The following TCIRG1 variants were observed in gnomAD, a reference collection of about 807,000 sequenced individuals.
The protein encoded by TCIRG1 is V-type proton ATPase 116 kDa subunit a 3.
A neutral mutation model predicts 95.5 loss-of-function variants in TCIRG1; 86 were observed. That is an observed-to-expected ratio of 0.90 (90% CI 0.76 to 1.08). The LOEUF is 1.08. TCIRG1 is among the 50% of genes least tolerant of loss of function. The probability of loss-of-function intolerance (pLI) is 0.00; values close to 1 mark genes in which losing one functional copy is unlikely to be tolerated. For synonymous variants in TCIRG1, 499 were observed against 501.3 expected, an observed-to-expected ratio of 1.00 and a Z score of 0.06; for missense variants, 1,069 against 1,140.2, an observed-to-expected ratio of 0.94 and a Z score of 0.90.
intron 10 of TCIRG1, among the ~76,000 whole-genome samples, chr11:68,046,188 C>T (rs1250598372): frequency 1.3e-5 from 2 of 152,184 alleles, no homozygotes; most frequent in Admixed American, 1.3e-4. Context: ...TCCCACAGTC[C>T]TGGAGGCTGG....
chr11:68,049,947 C>T lies in TCIRG1; in HGVS notation c.2014-15C>T, dbSNP rs1382248049. The T allele has an allele frequency of 6.2e-7, 1 of 1,604,234 alleles. No homozygotes were observed. The highest frequency in any genetic ancestry group is 1.3e-5 in the African/African-American group (1 of 74,724). ...GGGGCTGGAGTGCTGCCAACACTGC[C>T]TGCTCATGCCCCAGGAGGAAAACAA... is the stretch of plus-strand genomic sequence containing the variant. On this transcript the variant is annotated splice_polypyrimidine_tract_variant and intron_variant, in intron 16 of 19. Coordinates refer to ENST00000265686, the MANE Select transcript of TCIRG1 (RefSeq NM_006019.4).
chr11:68,040,368 C>T (rs1300678259), intron 1 of TCIRG1, among the ~76,000 whole-genome samples: 1 of 152,248 alleles, frequency 6.6e-6, no homozygotes, highest in Non-Finnish European at 1.5e-5. Context: ...CTTGGGCCAT[C>T]TGCTCAGTGT....
chr11:68,042,241 G>A (rs1299954947), intron 3 of TCIRG1, among the ~76,000 whole-genome samples: 1 of 152,230 alleles, frequency 6.6e-6, no homozygotes, highest in Non-Finnish European at 1.5e-5. Flanking sequence ...CCCTGCCCTG[G>A]GCAACCCCTC....
downstream of TCIRG1, chr11:68,052,837 A>G (rs1354920812): frequency 6.6e-6 from 1 of 152,200 alleles, no homozygotes; most frequent in Non-Finnish European, 1.5e-5. Context: ...TTCAGGACAC[A>G]TCCAAGGGTG....
chr11:68,048,960 A>G lies in TCIRG1; in HGVS notation c.1636A>G (p.Met546Val), dbSNP rs368945298. The change falls in exon 14 of 20, where the codon ATG becomes GTG. Residue 546 changes from methionine (M) to valine (V), a missense_variant. Met to Val is a conservative substitution (Grantham distance 21, BLOSUM62 1). Transcript: ENST00000265686. Reference protein sequence around the residue: ...KMSVILGVVHMAFGVVLGVFN... With the variant: ...KMSVILGVVHVAFGVVLGVFN... ...GTCCGTCATCCTGGGCGTCGTGCAC[A>G]TGGCCTTTGGGGTGGTCCTCGGAGT... 10 of 1,613,642 alleles carry G rather than the reference A, an allele frequency of 6.2e-6. No homozygotes were observed. The African/African-American group carries it at 1.1e-4, about 17-fold the overall frequency.
chr11:68,041,337 C>G lies in TCIRG1; in HGVS notation c.66C>G (p.Ala22=), dbSNP rs746440466. The change falls in exon 2 of 20, where the codon GCC becomes GCG. Residue 22 remains alanine (A), a synonymous_variant. Coordinates refer to ENST00000265686, the MANE Select transcript of TCIRG1 (RefSeq NM_006019.4). ...AGCTCTTTCTGCCCACAGCGGCTGC[C>G]TACACCTGCGTGAGTCGGCTGGGCG... The part of the protein sequence containing the change: ...LVQLFLPTAA[A]YTCVSRLGEL... 1.9e-6 allele frequency: 3 copies of G among 1,613,278 alleles called. No individual in the cohort carries two copies. Among genetic ancestry groups the G allele is most frequent in the African/African-American group, 1.3e-5 (1 of 75,050 alleles).
At chr11:68,053,279 C>G (rs1383187069), downstream of TCIRG1, 1 of 152,332 alleles carries the variant, frequency 6.6e-6, no homozygotes, top group South Asian at 2.1e-4. Flanking sequence ...GCATGGCTGT[C>G]TGCACACTCC....
Position 68,048,939 on chromosome 11 carries a change from G to A in TCIRG1, c.1615G>A (p.Val539Ile), listed in dbSNP as rs142539969. The A allele has an allele frequency of 2.8e-4, 451 of 1,613,492 alleles. 1 individual carries two copies. The highest frequency in any genetic ancestry group is 4.2e-4 in the Admixed American group (25 of 60,008). The change falls in exon 14 of 20, where the codon GTC becomes ATC. Residue 539 changes from valine to isoleucine, a missense_variant. Transcript: ENST00000265686. ...CAACTCCTTCAAGATGAAGATGTCC[G>A]TCATCCTGGGCGTCGTGCACATGGC... ...FLNSFKMKMS[V>I]ILGVVHMAFG...
At position 68,044,938 on chromosome 11, in the gene TCIRG1, G is replaced by A. The variant is rs1214791319; in HGVS notation, c.1021-20G>A. 2 of 1,605,848 alleles carry A rather than the reference G, an allele frequency of 1.2e-6. No individual in the cohort carries two copies. Among genetic ancestry groups the A allele is most frequent in the East Asian group, 4.5e-5 (2 of 44,884 alleles). On this transcript the variant is annotated intron_variant, in intron 9 of 19. Transcript: ENST00000265686. ...AAGGCCCCCGCCACCGTTCTGGTCT[G>A]TCTCTGCCCTGGCACCCAGATGGAG... is the stretch of plus-strand genomic sequence containing the variant.
intron 10 of TCIRG1, chr11:68,046,906 G>A (rs1011149992): frequency 2.2e-5 from 10 of 456,170 alleles, no homozygotes; most frequent in Admixed American, 7.1e-5. Flanking sequence ...GAGAACTTAT[G>A]AAGTGGTCTG....
At position 68,047,951 on chromosome 11, in the gene TCIRG1, C is replaced by T; in HGVS notation, c.1533C>T (p.Pro511=). The stretch of plus-strand genomic sequence containing the variant: ...ACGTCACCGGTGTCTTCCTGGGACC[C>T]TACCCCTTTGGCATCGATCCTGTGA... ...DPNVTGVFLG[P]YPFGIDPIWS... Residue 511 remains proline (P), a synonymous_variant, in exon 13 of 20, where the codon CCC becomes CCT. Transcript: ENST00000265686. 6.2e-7 allele frequency: 1 copy of T among 1,613,822 alleles called. No homozygotes were observed. Among genetic ancestry groups the T allele is most frequent in the Non-Finnish European group, 8.5e-7 (1 of 1,180,010 alleles).
chr11:68,053,258 C>T (rs1053980855), downstream of TCIRG1: 6 of 152,292 alleles, frequency 3.9e-5, no homozygotes, highest in African/African-American at 1.2e-4. Flanking sequence ...TCACACTGCC[C>T]CCGTGGCCAC....
At position 68,045,006 on chromosome 11, in the gene TCIRG1, A is replaced by G. The variant is rs1855405220; in HGVS notation, c.1069A>G (p.Met357Val). The G allele has an allele frequency of 6.2e-7, 1 of 1,608,876 alleles. No individual in the cohort carries two copies. Among genetic ancestry groups the G allele is most frequent in the Non-Finnish European group, 8.5e-7 (1 of 1,179,986 alleles). The change falls in exon 10 of 20, where the codon ATG becomes GTG. Residue 357 changes from methionine (M) to valine (V), a missense_variant. Physicochemically the swap from Met to Val is conservative, Grantham distance 21. Coordinates refer to ENST00000265686, the MANE Select transcript of TCIRG1 (RefSeq NM_006019.4). The part of the protein sequence containing the change: ...AVAHRIPCRD[M>V]PPTLIRTNRF... ...GGCTCACCGCATCCCCTGCCGGGAC[A>G]TGCCCCCCACACTCATCCGCACCAA...
chr11:68,042,297 C>T (rs969855876), intron 3 of TCIRG1, among the ~76,000 whole-genome samples: 6 of 152,180 alleles, frequency 3.9e-5, no homozygotes, highest in African/African-American at 1.2e-4. Flanking sequence ...ATGGGGCAGG[C>T]AGGGTTTTGT....
chr11:68,047,205 T>G (rs1855533672), intron 10 of TCIRG1, among the ~76,000 whole-genome samples: 1 of 143,662 alleles, frequency 7.0e-6, no homozygotes, highest in African/African-American at 2.7e-5. Flanking sequence ...CAGGCAGGGT[T>G]TCACCGTGTG....
chr11:68,047,002 G>C (rs1360089644), intron 10 of TCIRG1: 2 of 369,962 alleles, frequency 5.4e-6, no homozygotes, highest in African/African-American at 3.1e-5. Flanking sequence ...CTAAGTGGTG[G>C]GTTCTTTTTT....
rs1362212660 is a variant in TCIRG1 at position 68,047,807 on chromosome 11, G to A, written c.1463+3G>A. ...ATGGCCAACCAGTCTGGCTGGAGGT[G>A]AGGCCCGGGCCCCAGCCCGGCTGGG... On this transcript the variant is annotated splice_donor_region_variant and intron_variant, in intron 12 of 19. Coordinates refer to ENST00000265686, the MANE Select transcript of TCIRG1 (RefSeq NM_006019.4). 5 of 1,612,448 alleles carry A rather than the reference G, an allele frequency of 3.1e-6. No individual in the cohort carries two copies. The highest frequency in any genetic ancestry group is 4.2e-6 in the Non-Finnish European group (5 of 1,179,596).
chr11:68,043,098 G>T (rs1855260513), intron 5 of TCIRG1, 67 bp downstream of exon 5: 2 of 1,547,664 alleles, frequency 1.3e-6, no homozygotes, highest in Non-Finnish European at 1.7e-6. Context: ...GCTGGGCTGG[G>T]CCAGGCTGAG....
chr11:68,049,331 C>A, intron 15 of TCIRG1, 37 bp downstream of exon 15: 1 of 1,571,146 alleles, frequency 6.4e-7, no homozygotes, highest in Non-Finnish European at 8.6e-7. Context: ...CTCACACGGC[C>A]TCATGGGGAC....
Sources: allele counts gnomAD v4.1 joint callset (sites outside exome capture counted in the v4.1 genomes callset), GRCh38; gene constraint gnomAD v4.1.1; transcripts MANE v1.5; gene names NCBI Gene and HGNC (gene_info 2026-07-23, HGNC 2026-07-21).